PFKFB3: variants seen among roughly 807,000 people sequenced by gnomAD.
PFKFB3 encodes 6-phosphofructo-2-kinase/fructose-2,6-biphosphatase 3, also known as 6-phosphofructo-2-kinase/fructose-2,6-bisphosphatase 3.
A neutral mutation model predicts 68.0 loss-of-function variants in PFKFB3; 33 were observed. The observed-to-expected ratio is 0.49, with a 90% CI of 0.37 to 0.65. The LOEUF is 0.65. Among genes scored for constraint, PFKFB3 ranks in the 30% least tolerant of loss-of-function variants. PFKFB3 has a pLI of 0.00. For missense variants in PFKFB3, 586 were observed against 712.2 expected (o/e 0.82, Z 2.02); for synonymous variants, 315 against 288.2 (o/e 1.09, Z -0.94).
intron 14 of PFKFB3, among the ~76,000 whole-genome samples, chr10:6,251,792 A>C (rs934677166): frequency 5.9e-5 from 9 of 152,128 alleles, no homozygotes; most frequent in Admixed American, 2.0e-4. Flanking sequence ...AACATAGTGA[A>C]ACCCCATCTC....
the PFKFB3 span, among the ~76,000 whole-genome samples, chr10:6,276,172 T>C: frequency 6.6e-6 from 1 of 152,178 alleles, no homozygotes; most frequent in Non-Finnish European, 1.5e-5. Flanking sequence ...GCTATCTTTA[T>C]TTTGTGGGAT....
chr10:6,231,004 C>T (rs1373091307), intron 14 of PFKFB3, among the ~76,000 whole-genome samples: 1 of 152,122 alleles, frequency 6.6e-6, no homozygotes, highest in African/African-American at 2.4e-5. Context: ...ATGTGAGCCA[C>T]CACGCCCAGC....
At chr10:6,159,936 T>C (rs986312495) in intron 1 of PFKFB3, among the ~76,000 whole-genome samples, 4 of 151,464 alleles carry the variant, frequency 2.6e-5, no homozygotes, top group African/African-American at 9.7e-5. Flanking sequence ...TGTTTTTTTT[T>C]TTAATAGAGA....
chr10:6,196,275 C>T (rs980339702), intron 1 of PFKFB3, among the ~76,000 whole-genome samples: 3 of 152,046 alleles, frequency 2.0e-5, no homozygotes, highest in Non-Finnish European at 2.9e-5. Flanking sequence ...GGACCACAGG[C>T]GCCTGCTACC....
chr10:6,174,289 C>T (rs1183422049), intron 1 of PFKFB3, among the ~76,000 whole-genome samples: 1 of 152,200 alleles, frequency 6.6e-6, no homozygotes, highest in Non-Finnish European at 1.5e-5. Context: ...AAGCAGACAT[C>T]GTGACCTTTC....
At chr10:6,227,926 C>T (rs1176885817) in intron 14 of PFKFB3, among the ~76,000 whole-genome samples, 1 of 152,102 alleles carries the variant, frequency 6.6e-6, no homozygotes, top group Non-Finnish European at 1.5e-5. Context: ...GAGGCCGCTG[C>T]TTTGATGCTT....
the PFKFB3 span, among the ~76,000 whole-genome samples, chr10:6,316,797 T>C: frequency 4.6e-5 from 7 of 152,198 alleles, no homozygotes; most frequent in African/African-American, 1.7e-4. Flanking sequence ...GAGTGGCATC[T>C]TCTTCCAGCC....
intron 1 of PFKFB3, among the ~76,000 whole-genome samples, chr10:6,203,858 T>C (rs1843504924): frequency 6.6e-6 from 1 of 152,224 alleles, no homozygotes; most frequent in African/African-American, 2.4e-5. Context: ...TGTTTTTCTC[T>C]GTTTCTACCT....
the PFKFB3 span, among the ~76,000 whole-genome samples, chr10:6,290,704 A>G: frequency 6.6e-6 from 1 of 152,094 alleles, no homozygotes; most frequent in Admixed American, 6.6e-5. Flanking sequence ...GGGTTTCACC[A>G]TGTTGGCTAG....
intron 1 of PFKFB3, among the ~76,000 whole-genome samples, chr10:6,167,130 T>C (rs1454997109): frequency 6.6e-6 from 1 of 152,206 alleles, no homozygotes; most frequent in Admixed American, 6.5e-5. Flanking sequence ...TCCTAGCCTT[T>C]CTTTTTTGCA....
At chr10:6,277,088 T>C in the PFKFB3 span, among the ~76,000 whole-genome samples, 1 of 152,170 alleles carries the variant, frequency 6.6e-6, no homozygotes, top group Non-Finnish European at 1.5e-5. Context: ...TGGAATCATA[T>C]TGTATGTGAT....
chr10:6,310,471 G>A, the PFKFB3 span, among the ~76,000 whole-genome samples: 2 of 150,554 alleles, frequency 1.3e-5, no homozygotes. Context: ...AAAGATATTC[G>A]AAAAAAAAAG....
intron 14 of PFKFB3, among the ~76,000 whole-genome samples, chr10:6,250,550 G>T (rs768171146): frequency 6.7e-6 from 1 of 148,972 alleles, no homozygotes; most frequent in Non-Finnish European, 1.5e-5. Context: ...CAGCCTGGGC[G>T]ACAGAGCGAG....
upstream of PFKFB3, among the ~76,000 whole-genome samples, chr10:6,198,040 C>T (rs1843221099): frequency 6.6e-6 from 1 of 151,586 alleles, no homozygotes; most frequent in Admixed American, 6.6e-5. Flanking sequence ...GTCAGGAGTT[C>T]AAGACCAGAC....
intron 14 of PFKFB3, 99 bp downstream of exon 14, chr10:6,226,464 CGTGGGTGCGT>C (rs936358945): frequency 1.6e-5 from 19 of 1,176,880 alleles, no homozygotes; most frequent in Middle Eastern, 2.7e-4. Flanking sequence ...AGAATACGTG[CGTGGGTGCGT>C]GTGGGTGCGC....
rs959651210 is a variant in PFKFB3, at chr10:6,229,513, C to T, written c.1515+3148C>T. On this transcript the variant is annotated intron_variant, in intron 14 of 14. Transcript: ENST00000379775. This position sits in a 1 kb window ranked among gnomAD's most constrained non-coding sequence, Gnocchi z 4.3. ...CAGCTGTTGGACCCTCGTGTACCCCCACAGCCACCCCCTTGCAGCTGCTTC... is the reference window on the plus strand; with the variant it reads ...CAGCTGTTGGACCCTCGTGTACCCCTACAGCCACCCCCTTGCAGCTGCTTC... Among the ~76,000 whole-genome samples, 4 of 152,196 alleles carry T rather than the reference C, an allele frequency of 2.6e-5. No homozygotes were observed. Among genetic ancestry groups the T allele is most frequent in the African/African-American group, 7.2e-5 (3 of 41,442 alleles).
chr10:6,147,501 G>C (rs772461649), intron 1 of PFKFB3, among the ~76,000 whole-genome samples: 1 of 152,188 alleles, frequency 6.6e-6, no homozygotes, highest in African/African-American at 2.4e-5. Flanking sequence ...AAGTCGAGGA[G>C]TTTAATGATG....
At chr10:6,247,828 C>T (rs1846291842) in intron 14 of PFKFB3, among the ~76,000 whole-genome samples, 1 of 152,248 alleles carries the variant, frequency 6.6e-6, no homozygotes, top group South Asian at 2.1e-4. Context: ...TATTAGAATA[C>T]CTGCAGTGGG....
intron 14 of PFKFB3, among the ~76,000 whole-genome samples, chr10:6,247,772 C>A (rs1588567629): frequency 6.6e-6 from 1 of 152,220 alleles, no homozygotes; most frequent in East Asian, 1.9e-4. Context: ...GATTTTCCTA[C>A]TAGGGAATGA....
Sources: allele counts gnomAD v4.1 joint callset (sites outside exome capture counted in the v4.1 genomes callset), GRCh38; gene constraint gnomAD v4.1.1; non-coding constraint Gnocchi (gnomAD v3.1); transcripts MANE v1.5; gene names NCBI Gene and HGNC (gene_info 2026-07-23, HGNC 2026-07-21).